The following TMEM94 variants were observed in gnomAD, a reference collection of about 807,000 sequenced individuals.
TMEM94 encodes the protein ER Mg2+ ATPase.
Under a neutral mutation model 158.6 loss-of-function variants are expected in TMEM94, and 81 were observed. The ratio of observed to expected loss-of-function variants is 0.51; its 90% confidence interval spans 0.43 to 0.61. TMEM94 has a LOEUF of 0.61. Ranked by LOEUF, TMEM94 falls within the 20% of genes least tolerant of loss-of-function variation. The pLI, the probability that TMEM94 is intolerant of heterozygous loss-of-function variation, is 0.00. For missense variants in TMEM94, 1,435 were observed against 1,762.0 expected, an observed-to-expected ratio of 0.81 and a Z score of 3.32; for synonymous variants, 751 against 730.7, an observed-to-expected ratio of 1.03 and a Z score of -0.45.
chr17:75,472,674 C>T (rs1011426320), intron 2 of TMEM94, among the ~76,000 whole-genome samples: 2 of 152,202 alleles, frequency 1.3e-5, no homozygotes, highest in Admixed American at 6.5e-5. Context: ...CATCAGCCTC[C>T]ACATGGCTGC....
Position 75,485,740 on chromosome 17 carries a change from G to C in TMEM94, c.145-131G>C. On this transcript the variant is annotated intron_variant, in intron 3 of 31. Coordinates refer to ENST00000314256, the MANE Select transcript of TMEM94 (RefSeq NM_014738.6). This position sits in a 1 kb window ranked among gnomAD's most constrained non-coding sequence, Gnocchi z 5.5. ...GCCTGCTTGCTGCAGGAGCCCAACA[G>C]GCTGGAGCCCAGCCGAGGTCAAAGA... is the stretch of plus-strand genomic sequence containing the variant. 1 of 1,374,978 alleles carries C rather than the reference G, an allele frequency of 7.3e-7. No individual in the cohort carries two copies. The highest frequency in any genetic ancestry group is 2.5e-5 in the East Asian group (1 of 40,192). The allele number at this position is 1,374,978 out of a possible 1,614,324, so 85.2% of individuals were successfully genotyped here.
intron 1 of TMEM94, chr17:75,459,683 C>T (rs1598292909): frequency 6.6e-6 from 1 of 152,238 alleles, no homozygotes; most frequent in Middle Eastern, 3.4e-3. Context: ...TGAACTCGTA[C>T]CTTAGCAGTC....
At position 75,489,481 on chromosome 17, in the gene TMEM94, A is replaced by G; in HGVS notation, c.868-95A>G. 6.7e-7 allele frequency: 1 copy of G among 1,486,310 alleles called. No homozygotes were observed. The highest frequency in any genetic ancestry group is 1.1e-5 in the South Asian group (1 of 88,324). 92.1% of individuals were successfully genotyped at this position (1,486,310 alleles called of 1,614,324 possible). ...AGTGAATGCAGAGGGTCCCAGAGTG[A>G]GCCAGCCTGTGGAGTAGCAAAGGAA... On this transcript the variant is annotated intron_variant, in intron 8 of 31. Transcript: ENST00000314256. The surrounding 1 kb of genome is among the most constrained non-coding windows in gnomAD (Gnocchi z 5.0).
chr17:75,490,901 G>A (rs1486145547), intron 11 of TMEM94, 143 bp downstream of exon 11: 3 of 952,214 alleles, frequency 3.2e-6, no homozygotes, highest in African/African-American at 3.2e-5. Flanking sequence ...ACCTGGACCT[G>A]TTCCCATAAC....
intron 1 of TMEM94, among the ~76,000 whole-genome samples, chr17:75,463,079 T>TACACACAC (rs747265512): frequency 1.4e-4 from 2 of 14,294 alleles, no homozygotes; most frequent in East Asian, 4.1e-3. Context: ...TATATATATA[T>TACACACAC]ACACACACAC....
intron 18 of TMEM94, 111 bp downstream of exon 18, chr17:75,494,027 G>T (rs1243725852): frequency 3.9e-6 from 4 of 1,034,454 alleles, no homozygotes; most frequent in Non-Finnish European, 5.6e-6. Context: ...CAGCAAAGGG[G>T]GCAGTGGCCA....
chr17:75,460,797 G>A (rs954951389), intron 1 of TMEM94, among the ~76,000 whole-genome samples: 4 of 151,746 alleles, frequency 2.6e-5, no homozygotes, highest in Non-Finnish European at 4.4e-5. Context: ...CAGGTGGCCA[G>A]AAGTTGCCGA....
chr17:75,496,774 G>A lies in TMEM94; in HGVS notation c.3288G>A (p.Leu1096=). The change falls in exon 25 of 32, where the codon CTG becomes CTA. Residue 1096 remains leucine, a synonymous_variant. Coordinates refer to ENST00000314256, the MANE Select transcript of TMEM94 (RefSeq NM_014738.6). ...GCATCCGTAAGTGCTTCCTCTTCCTGCTGCAGTGCCAGCTGACTCTTGTGG... is the reference window on the plus strand; with the variant it reads ...GCATCCGTAAGTGCTTCCTCTTCCTACTGCAGTGCCAGCTGACTCTTGTGG... ...TYGIRKCFLF[L]LQCQLTLVVI... 6.2e-7 allele frequency: 1 copy of A among 1,613,904 alleles called. No homozygotes were observed. Among genetic ancestry groups the A allele is most frequent in the Non-Finnish European group, 8.5e-7 (1 of 1,180,020 alleles).
chr17:75,488,161 G>A (rs1301707245), intron 6 of TMEM94, 27 bp downstream of exon 6: 4 of 1,609,910 alleles, frequency 2.5e-6, no homozygotes, highest in Non-Finnish European at 3.4e-6. Context: ...CTTCTCCCTT[G>A]GAAATGCGGT....
intron 1 of TMEM94, among the ~76,000 whole-genome samples, chr17:75,463,029 AAAAAAAAAATAT>A (rs2050135040): frequency 1.8e-4 from 2 of 11,334 alleles, no homozygotes; most frequent in East Asian, 9.8e-4. Context: ...AAAAAAAAAA[AAAAAAAAAATAT>A]ATATATATAT....
chr17:75,473,663 C>T (rs2050574387), intron 2 of TMEM94, among the ~76,000 whole-genome samples: 1 of 152,176 alleles, frequency 6.6e-6, no homozygotes, highest in African/African-American at 2.4e-5. Flanking sequence ...TCTTTGTCCT[C>T]CTCCTCTTTC....
intron 1 of TMEM94, among the ~76,000 whole-genome samples, chr17:75,467,292 T>C (rs895017399): frequency 2.6e-4 from 40 of 151,754 alleles, no homozygotes; most frequent in Non-Finnish European, 2.9e-5. Context: ...TTTTATACTA[T>C]TATAAATGAT....
chr17:75,473,280 T>C (rs2050563426), intron 2 of TMEM94, among the ~76,000 whole-genome samples: 1 of 152,178 alleles, frequency 6.6e-6, no homozygotes, highest in Non-Finnish European at 1.5e-5. Flanking sequence ...CATAGCCACC[T>C]CTGGGTGCTC....
In TMEM94 at chr17:75,487,586, C is replaced by T. The variant is rs1337810676; in HGVS notation, c.410-346C>T. 6.6e-6 allele frequency among the ~76,000 whole-genome samples: 1 copy of T among 152,182 alleles called. No homozygotes were observed. The highest frequency in any genetic ancestry group is 1.5e-5 in the Non-Finnish European group (1 of 68,038). On this transcript the variant is annotated intron_variant, in intron 5 of 31. Coordinates refer to ENST00000314256, the MANE Select transcript of TMEM94 (RefSeq NM_014738.6). The surrounding 1 kb of genome is among the most constrained non-coding windows in gnomAD (Gnocchi z 4.6). ...TATCTGTCCACATGTCTCATCTGCC[C>T]CACTGGGTTGTGGCTCCTTGAGGAG...
rs552011453 is a variant in TMEM94, at chr17:75,474,389, C to T, written c.24+2460C>T. Among the ~76,000 whole-genome samples, 15 of 151,956 alleles carry T rather than the reference C, an allele frequency of 9.9e-5. 1 individual carries two copies. In the South Asian group the frequency reaches 3.1e-3, roughly 32 times the overall value. On this transcript the variant is annotated intron_variant, in intron 2 of 31. Coordinates refer to ENST00000314256, the MANE Select transcript of TMEM94 (RefSeq NM_014738.6). ...GGTGTGGTGGCACACACCTGTAATCCCAGCACTTTGGGAGGCCAAGGTGGG... is the reference window on the plus strand; with the variant it reads ...GGTGTGGTGGCACACACCTGTAATCTCAGCACTTTGGGAGGCCAAGGTGGG...
chr17:75,469,008 G>A (rs367976791), intron 1 of TMEM94, among the ~76,000 whole-genome samples: 2 of 152,264 alleles, frequency 1.3e-5, no homozygotes, highest in East Asian at 1.9e-4. Context: ...CTGCCAGGAC[G>A]GGAGGGTGAG....
chr17:75,500,419 G>A lies in TMEM94; in HGVS notation c.*1085G>A, dbSNP rs1033086398. On this transcript the variant is annotated 3_prime_UTR_variant, in exon 32 of 32. Coordinates refer to ENST00000314256, the MANE Select transcript of TMEM94 (RefSeq NM_014738.6). ...GCCCCTCCCCCATTGTGTCCTCTCAGGCAGTTGATAGAATAAATTCCATTT... is the reference window on the plus strand; with the variant it reads ...GCCCCTCCCCCATTGTGTCCTCTCAAGCAGTTGATAGAATAAATTCCATTT... 2.6e-5 allele frequency: 4 copies of A among 152,704 alleles called. No homozygotes were observed. Among genetic ancestry groups the A allele is most frequent in the African/African-American group, 2.4e-5 (1 of 41,454 alleles). 9.5% of individuals were successfully genotyped at this position (152,704 alleles called of 1,614,324 possible).
At chr17:75,476,592 T>C (rs2050702301) in intron 2 of TMEM94, 1 of 1,507,118 alleles carries the variant, frequency 6.6e-7, no homozygotes, top group African/African-American at 1.4e-5. Context: ...CTCCGTCTCT[T>C]CTCTCCTCTT....
In TMEM94 at chr17:75,478,940, C is replaced by T. The variant is rs142438421; in HGVS notation, c.25-6488C>T. On this transcript the variant is annotated intron_variant, in intron 2 of 31. Coordinates refer to ENST00000314256, the MANE Select transcript of TMEM94 (RefSeq NM_014738.6). ...CTTGGCCCCAGGAGGCAAGAAAAGG[C>T]GACCTCAGCTTGTGTGTGTCAACCC... Among the ~76,000 whole-genome samples the T allele has an allele frequency of 3.3e-3, 509 of 152,224 alleles. 6 individuals carry two copies. Among genetic ancestry groups the T allele is most frequent in the African/African-American group, 0.011 (474 of 41,536 alleles).
Sources: gnomAD v4.1 joint callset for allele counts (sites outside exome capture counted in the v4.1 genomes callset) on GRCh38, gnomAD v4.1.1 for gene constraint, Gnocchi (gnomAD v3.1) non-coding constraint, MANE v1.5 for transcripts, NCBI Gene and HGNC (gene_info 2026-07-23, HGNC 2026-07-21) for gene names.